FOXP2: variants seen among roughly 807,000 people sequenced by gnomAD.
The protein encoded by FOXP2 is forkhead box protein P2.
A neutral mutation model predicts 115.8 loss-of-function variants in FOXP2; 12 were observed. The observed-to-expected ratio is 0.10, with a 90% CI of 0.07 to 0.17. The LOEUF is 0.17. Among genes scored for constraint, FOXP2 ranks in the 10% least tolerant of loss-of-function variants. The pLI is 1.00. For missense variants in FOXP2, 629 were observed against 843.5 expected, an observed-to-expected ratio of 0.75 and a Z score of 3.15; for synonymous variants, 328 against 297.7, an observed-to-expected ratio of 1.10 and a Z score of -1.05.
intron 2 of FOXP2, among the ~76,000 whole-genome samples, chr7:114,339,684 A>T (rs1015099514): frequency 6.6e-6 from 1 of 150,908 alleles, no homozygotes; most frequent in East Asian, 1.9e-4. Flanking sequence ...ACATGTTATA[A>T]CTTTTTAATT....
intron 2 of FOXP2, among the ~76,000 whole-genome samples, chr7:114,510,754 G>A (rs1397592453): frequency 1.3e-5 from 2 of 152,166 alleles, no homozygotes; most frequent in Non-Finnish European, 2.9e-5. Context: ...TTACACTGTT[G>A]GTGGGAGTAT....
At chr7:114,682,744 T>A (rs994399317) in intron 16 of FOXP2, among the ~76,000 whole-genome samples, 2 of 152,178 alleles carry the variant, frequency 1.3e-5, no homozygotes, top group Admixed American at 1.3e-4. Flanking sequence ...TGTGACTTCA[T>A]TGTGTTCCAT....
chr7:114,270,923 T>C (rs1796018054), intron 1 of FOXP2, among the ~76,000 whole-genome samples: 1 of 152,062 alleles, frequency 6.6e-6, no homozygotes, highest in Non-Finnish European at 1.5e-5. Flanking sequence ...ATTTTCACAT[T>C]TAGGGCTATG....
rs983734980 is a variant in FOXP2, at chr7:114,688,541, C to T, written c.2004-1241C>T. Among the ~76,000 whole-genome samples the T allele has an allele frequency of 6.6e-5, 10 of 152,256 alleles. No individual in the cohort carries two copies. In the South Asian group the frequency reaches 1.0e-3, roughly 16 times the overall value. ...ACTTGATAAGGAATCTTTTTCACAG[C>T]GATTCCCTGATGCATCTAATGTGTC... On this transcript the variant is annotated intron_variant, in intron 16 of 16. Transcript: ENST00000350908.
intron 16 of FOXP2, among the ~76,000 whole-genome samples, chr7:114,674,757 TC>T (rs1225132868): frequency 1.3e-5 from 2 of 152,154 alleles, no homozygotes; most frequent in Non-Finnish European, 2.9e-5. Context: ...TAAATACTTT[TC>T]TAAAATATAT....
At chr7:114,153,237 T>C (rs940016489) in intron 1 of FOXP2, among the ~76,000 whole-genome samples, 6 of 152,032 alleles carry the variant, frequency 3.9e-5, no homozygotes, top group African/African-American at 1.4e-4. Flanking sequence ...AAAAGAGTAG[T>C]GCCATAAAAT....
chr7:114,606,627 C>T (rs962671228), intron 3 of FOXP2, among the ~76,000 whole-genome samples: 1 of 152,136 alleles, frequency 6.6e-6, no homozygotes, highest in African/African-American at 2.4e-5. Context: ...TCAGAAACAG[C>T]AACCTGATTG....
chr7:114,180,665 C>G (rs1170730142), intron 1 of FOXP2, among the ~76,000 whole-genome samples: 2 of 151,976 alleles, frequency 1.3e-5, no homozygotes, highest in African/African-American at 2.4e-5. Flanking sequence ...TGATTATACA[C>G]TCAGTTGCCT....
rs1354607039 is a variant in FOXP2 at position 114,536,399 on chromosome 7, T to C, written c.258+1693T>C. ...GGCTGGGCTTTAGTTTTTCTTTTCT[T>C]TTTTTTTTTTTTTTTTTTTGTTGTT... On this transcript the variant is annotated intron_variant, in intron 3 of 16. Transcript: ENST00000350908. Among the ~76,000 whole-genome samples, 56 of 19,754 alleles carry C rather than the reference T, an allele frequency of 2.8e-3. No individual in the cohort carries two copies. In the African/African-American group the frequency reaches 0.031, roughly 11 times the overall value. The allele number at this position is 19,754 out of a possible 152,430, so 13.0% of individuals were successfully genotyped here. A position where few individuals can be genotyped will look rare whatever the true frequency, so the allele number is the denominator to read the frequency against.
intron 2 of FOXP2, among the ~76,000 whole-genome samples, chr7:114,394,331 A>G (rs1359540889): frequency 1.3e-5 from 2 of 152,062 alleles, no homozygotes; most frequent in African/African-American, 4.8e-5. Flanking sequence ...AATAATTACA[A>G]GGTAAATTCA....
chr7:114,215,357 T>C (rs1032614454), intron 1 of FOXP2, among the ~76,000 whole-genome samples: 5 of 152,178 alleles, frequency 3.3e-5, no homozygotes, highest in African/African-American at 1.2e-4. Context: ...TTAAATTTAT[T>C]ACAGATTTTT....
chr7:114,298,408 G>T (rs1392636517), intron 2 of FOXP2, among the ~76,000 whole-genome samples: 1 of 152,040 alleles, frequency 6.6e-6, no homozygotes, highest in Non-Finnish European at 1.5e-5. Flanking sequence ...TGGTCTCTCA[G>T]TCAGCACGCT....
At chr7:114,462,673 T>G (rs1795632105) in intron 2 of FOXP2, among the ~76,000 whole-genome samples, 1 of 152,112 alleles carries the variant, frequency 6.6e-6, no homozygotes, top group Admixed American at 6.5e-5. Context: ...GCCCGGCTTC[T>G]CAGCATAGTA....
At chr7:114,598,627 G>A (rs1263833310) in intron 3 of FOXP2, among the ~76,000 whole-genome samples, 1 of 151,942 alleles carries the variant, frequency 6.6e-6, no homozygotes, top group East Asian at 1.9e-4. Context: ...GTGGTAAAAT[G>A]CATAACAGAT....
chr7:114,640,912 T>C (rs747588429), intron 6 of FOXP2, among the ~76,000 whole-genome samples: 14 of 152,168 alleles, frequency 9.2e-5, no homozygotes, highest in Non-Finnish European at 1.9e-4. Flanking sequence ...TCTTGTAAAA[T>C]ATAATGATTT....
chr7:114,208,950 A>AAGGGC (rs1794272619), intron 1 of FOXP2, among the ~76,000 whole-genome samples: 1 of 151,860 alleles, frequency 6.6e-6, no homozygotes. Flanking sequence ...GACTAATACA[A>AAGGGC]AGGGCATGAT....
intron 3 of FOXP2, among the ~76,000 whole-genome samples, chr7:114,556,302 C>T (rs183220639): frequency 6.6e-6 from 1 of 152,188 alleles, no homozygotes; most frequent in East Asian, 1.9e-4. Context: ...GTCTCTATTC[C>T]TCATTTATCC....
chr7:114,543,571 C>T (rs184223543), intron 3 of FOXP2, among the ~76,000 whole-genome samples: 29 of 152,146 alleles, frequency 1.9e-4, no homozygotes, highest in East Asian at 3.9e-4. Context: ...ATAGGTTCTC[C>T]TACATTAGTG....
intron 3 of FOXP2, among the ~76,000 whole-genome samples, chr7:114,581,149 GTTTATTTATTTATTTA>G (rs10585289): frequency 0.023 from 3,100 of 134,970 alleles, 105 homozygotes; most frequent in African/African-American, 0.076. Flanking sequence ...ATCTTCTTCC[GTTTATTTATTTATTTA>G]TTTATTTATT....
Sources: allele counts gnomAD v4.1 joint callset (sites outside exome capture counted in the v4.1 genomes callset), GRCh38; gene constraint gnomAD v4.1.1; transcripts MANE v1.5; gene names NCBI Gene and HGNC (gene_info 2026-07-23, HGNC 2026-07-21).